CENPP: variants seen among roughly 807,000 people sequenced by gnomAD.
CENPP encodes centromere protein P.
CENPP carries 24 observed loss-of-function variants against 35.6 expected under a neutral mutation model. The observed-to-expected ratio is 0.67, with a 90% CI of 0.49 to 0.95. CENPP has a LOEUF of 0.95. Ranked by LOEUF, CENPP falls within the 40% of genes least tolerant of loss-of-function variation. CENPP has a pLI of 0.00. For synonymous variants in CENPP, 120 were observed against 125.5 expected (o/e 0.96, Z 0.29); for missense variants, 332 against 345.3 (o/e 0.96, Z 0.31).
intron 5 of CENPP, among the ~76,000 whole-genome samples, chr9:92,405,980 A>G (rs1413103795): frequency 6.6e-6 from 1 of 152,210 alleles, no homozygotes; most frequent in Non-Finnish European, 1.5e-5. Flanking sequence ...AAAGCAGCAA[A>G]CAAGCAACTA....
chr9:92,420,382 A>C (rs1255047899), intron 5 of CENPP, among the ~76,000 whole-genome samples: 1 of 152,076 alleles, frequency 6.6e-6, no homozygotes, highest in Non-Finnish European at 1.5e-5. Flanking sequence ...GGCTCCTTCA[A>C]TCTGCCAAAC....
rs1851569361 is a variant in CENPP at position 92,619,812 on chromosome 9, G to T, written c.*6663G>T. 1.9e-6 allele frequency: 1 copy of T among 537,598 alleles called. No homozygotes were observed. The highest frequency in any genetic ancestry group is 3.4e-6 in the Non-Finnish European group (1 of 296,294). The allele number at this position is 537,598 out of a possible 1,614,324, so 33.3% of individuals were successfully genotyped here. ...GCCCCCTGACCTCTCACGGCAAGCA[G>T]TGTGGGACCCCGACTCCAGACCCTG... On this transcript the variant is annotated 3_prime_UTR_variant, in exon 8 of 8. Coordinates refer to ENST00000375587, the MANE Select transcript of CENPP (RefSeq NM_001012267.3).
At chr9:92,372,571 T>C (rs1588068657) in intron 4 of CENPP, among the ~76,000 whole-genome samples, 1 of 152,228 alleles carries the variant, frequency 6.6e-6, no homozygotes, top group East Asian at 1.9e-4. Flanking sequence ...GTAAATGTCA[T>C]CCTTTCGCCT....
At position 92,618,053 on chromosome 9, in the gene CENPP, A is replaced by G; in HGVS notation, c.*4904A>G. On this transcript the variant is annotated 3_prime_UTR_variant, in exon 8 of 8. Transcript: ENST00000375587. Reference sequence around the variant, plus strand: ...GCCAAGATGACTCATGATAAATCCCAGCCTTAGTTTGTCCCTAGGCCTCTA... The same window carrying G: ...GCCAAGATGACTCATGATAAATCCCGGCCTTAGTTTGTCCCTAGGCCTCTA... The G allele has an allele frequency of 5.7e-6, 2 of 352,856 alleles. No homozygotes were observed. Among genetic ancestry groups the G allele is most frequent in the Non-Finnish European group, 1.1e-5 (2 of 177,776 alleles). 21.9% of individuals were successfully genotyped at this position (352,856 alleles called of 1,614,324 possible). A position where few individuals can be genotyped will look rare whatever the true frequency, so the allele number is the denominator to read the frequency against.
chr9:92,384,828 A>T (rs1842360521), intron 5 of CENPP: 1 of 152,224 alleles, frequency 6.6e-6, no homozygotes. Flanking sequence ...AGACTTTGCC[A>T]TAGAGAACTT....
chr9:92,602,476 G>A (rs1189067736), intron 5 of CENPP, among the ~76,000 whole-genome samples: 4 of 152,164 alleles, frequency 2.6e-5, no homozygotes, highest in African/African-American at 4.8e-5. Context: ...TCCAAACCTG[G>A]CATCAACTCA....
At chr9:92,460,656 T>A in intron 5 of CENPP, 3 of 823,996 alleles carry the variant, frequency 3.6e-6, no homozygotes, top group Non-Finnish European at 5.8e-6. Flanking sequence ...GATTATGGAT[T>A]TAGGCAACTT....
chr9:92,593,396 C>T lies in CENPP; in HGVS notation c.565-17918C>T, dbSNP rs949298544. Among the ~76,000 whole-genome samples, 6 of 152,166 alleles carry T rather than the reference C, an allele frequency of 3.9e-5. No homozygotes were observed. The highest frequency in any genetic ancestry group is 4.4e-5 in the Non-Finnish European group (3 of 68,038). On this transcript the variant is annotated intron_variant, in intron 5 of 7. Transcript: ENST00000375587. This position sits in a 1 kb window ranked among gnomAD's most constrained non-coding sequence, Gnocchi z 4.1. The stretch of plus-strand genomic sequence containing the variant: ...TTGTGCAGGCCACAGACAGGGTGAA[C>T]CAGAAATATTTTTACTGAAATTACT...
intron 5 of CENPP, among the ~76,000 whole-genome samples, chr9:92,448,248 T>C (rs948762476): frequency 6.6e-6 from 1 of 151,500 alleles, no homozygotes; most frequent in African/African-American, 2.4e-5. Flanking sequence ...AATCATCTTG[T>C]GGGTTAGGGG....
At chr9:92,514,071 AT>A (rs536819505) in intron 5 of CENPP, among the ~76,000 whole-genome samples, 36 of 152,008 alleles carry the variant, frequency 2.4e-4, no homozygotes, top group Admixed American at 1.6e-3. Context: ...TTCAGGATCA[AT>A]TTTTAGGATG....
chr9:92,352,534 T>TATATATATATAA, intron 4 of CENPP, among the ~76,000 whole-genome samples: 1 of 120,242 alleles, frequency 8.3e-6, no homozygotes, highest in Non-Finnish European at 1.6e-5. Context: ...TATATATATA[T>TATATATATATAA]ATATAATATA....
At chr9:92,449,681 C>A (rs563219674) in intron 5 of CENPP, among the ~76,000 whole-genome samples, 5 of 151,856 alleles carry the variant, frequency 3.3e-5, no homozygotes, top group Non-Finnish European at 7.4e-5. Flanking sequence ...GGCGGATTTT[C>A]CCCTTGGAGC....
chr9:92,338,514 C>T (rs192851566), intron 3 of CENPP, among the ~76,000 whole-genome samples: 2 of 152,168 alleles, frequency 1.3e-5, no homozygotes, highest in African/African-American at 4.8e-5. Context: ...ACAATGTAAA[C>T]GCTATGAAAT....
chr9:92,563,869 C>T (rs1034545729), intron 5 of CENPP, among the ~76,000 whole-genome samples: 3 of 151,680 alleles, frequency 2.0e-5, no homozygotes, highest in Non-Finnish European at 4.4e-5. Context: ...AAAGAAGTGG[C>T]CAGATCACAA....
At chr9:92,466,584 T>C in intron 5 of CENPP, 8 of 1,604,312 alleles carry the variant, frequency 5.0e-6, no homozygotes, top group Non-Finnish European at 6.8e-6. Context: ...TGATCAAGCA[T>C]AGAAAGTTAC....
chr9:92,619,680 G>A lies in CENPP; in HGVS notation c.*6531G>A. On this transcript the variant is annotated 3_prime_UTR_variant, in exon 8 of 8. Transcript: ENST00000375587. ...CTGCTTCCTGCCTCAGAACCTGAGG[G>A]TGGGATTAGGAGCGAGGGCCACGGT... The A allele has an allele frequency of 2.1e-6, 2 of 967,844 alleles. No homozygotes were observed. The highest frequency in any genetic ancestry group is 3.2e-6 in the Non-Finnish European group (2 of 630,396). 60.0% of individuals were successfully genotyped at this position (967,844 alleles called of 1,614,324 possible). A position where few individuals can be genotyped will look rare whatever the true frequency, so the allele number is the denominator to read the frequency against.
At chr9:92,513,323 G>T (rs1847476394) in intron 5 of CENPP, among the ~76,000 whole-genome samples, 1 of 152,216 alleles carries the variant, frequency 6.6e-6, no homozygotes, top group African/African-American at 2.4e-5. Flanking sequence ...GTGCGGGCAG[G>T]CTGCAGAGAG....
intron 5 of CENPP, among the ~76,000 whole-genome samples, chr9:92,423,586 TAC>T (rs1263801136): frequency 2.0e-5 from 3 of 152,142 alleles, no homozygotes; most frequent in Non-Finnish European, 4.4e-5. Flanking sequence ...CTATTAAAAA[TAC>T]AATTACCTCA....
chr9:92,616,700 C>T lies in CENPP; in HGVS notation c.*3551C>T, dbSNP rs982518781. On this transcript the variant is annotated 3_prime_UTR_variant, in exon 8 of 8. Coordinates refer to ENST00000375587, the MANE Select transcript of CENPP (RefSeq NM_001012267.3). ...TGGTTTTAACCTCAGAAGTCGTGTG[C>T]TTATAACAAGATGTGATTAATTATT... 6.6e-6 allele frequency: 1 copy of T among 152,438 alleles called. No homozygotes were observed. Among genetic ancestry groups the T allele is most frequent in the African/African-American group, 2.4e-5 (1 of 41,412 alleles). 9.4% of individuals were successfully genotyped at this position (152,438 alleles called of 1,614,324 possible).
Sources: gnomAD v4.1 joint callset for allele counts (sites outside exome capture counted in the v4.1 genomes callset) on GRCh38, gnomAD v4.1.1 for gene constraint, Gnocchi (gnomAD v3.1) non-coding constraint, MANE v1.5 for transcripts, NCBI Gene and HGNC (gene_info 2026-07-23, HGNC 2026-07-21) for gene names.